Variants in TCF4 observed in about 807,000 individuals in gnomAD.
The protein encoded by TCF4 is SL3-3 enhancer factor 2.
Under a neutral mutation model 82.1 loss-of-function variants are expected in TCF4, and 3 were observed. The observed-to-expected ratio is 0.04, with a 90% CI of 0.02 to 0.09. The LOEUF (loss-of-function observed/expected upper bound fraction) is 0.09. Ranked by LOEUF, TCF4 falls within the 10% of genes least tolerant of loss-of-function variation. The pLI, the probability that TCF4 is intolerant of heterozygous loss-of-function variation, is 1.00. For missense variants in TCF4, 518 were observed against 852.7 expected (o/e 0.61, Z 4.89); for synonymous variants, 276 against 309.6 (o/e 0.89, Z 1.14).
chr18:55,346,004 T>A (rs980098940), intron 8 of TCF4, among the ~76,000 whole-genome samples: 1 of 152,154 alleles, frequency 6.6e-6, no homozygotes, highest in Non-Finnish European at 1.5e-5. Context: ...AAATTGTTTG[T>A]GATTTCTTCA....
intron 5 of TCF4, among the ~76,000 whole-genome samples, chr18:55,453,857 G>A (rs2095677113): frequency 6.7e-6 from 1 of 150,236 alleles, no homozygotes; most frequent in East Asian, 1.9e-4. Context: ...ATAGTAATAA[G>A]TATTATTATT....
intron 8 of TCF4, among the ~76,000 whole-genome samples, chr18:55,338,265 G>C (rs1039925892): frequency 1.3e-5 from 2 of 152,180 alleles, no homozygotes; most frequent in African/African-American, 2.4e-5. Context: ...AAGAGAGTCA[G>C]ATGTCCTCAA....
intron 6 of TCF4, among the ~76,000 whole-genome samples, chr18:55,354,680 G>A (rs1001850585): frequency 1.3e-4 from 20 of 152,016 alleles, no homozygotes; most frequent in African/African-American, 4.3e-4. Context: ...TGGGTGGGTG[G>A]TACATTTCTA....
At chr18:55,626,133 G>T (rs1178787856) in intron 2 of TCF4, among the ~76,000 whole-genome samples, 1 of 152,180 alleles carries the variant, frequency 6.6e-6, no homozygotes, top group Non-Finnish European at 1.5e-5. Flanking sequence ...TAGGGAGAAG[G>T]CAGCATATTT....
chr18:55,584,991 T>C (rs1170140715), intron 3 of TCF4, among the ~76,000 whole-genome samples: 1 of 152,222 alleles, frequency 6.6e-6, no homozygotes, highest in Non-Finnish European at 1.5e-5. Context: ...ATGTTAACAC[T>C]GGTCTTATCT....
intron 3 of TCF4, among the ~76,000 whole-genome samples, chr18:55,473,462 T>C (rs1308011581): frequency 6.6e-6 from 1 of 152,186 alleles, no homozygotes; most frequent in Admixed American, 6.6e-5. Context: ...TAGTTTTACA[T>C]ATTCAAAACT....
intron 3 of TCF4, among the ~76,000 whole-genome samples, chr18:55,564,550 A>T (rs2097384682): frequency 6.6e-6 from 1 of 152,238 alleles, no homozygotes; most frequent in Non-Finnish European, 1.5e-5. Flanking sequence ...AACACAAATG[A>T]TAAGGTCAAA....
chr18:55,422,568 G>A (rs2094813455), intron 5 of TCF4: 2 of 630,450 alleles, frequency 3.2e-6, no homozygotes, highest in Non-Finnish European at 2.0e-6. Flanking sequence ...TAGGGGGGTG[G>A]TTTAAAGAGT....
At chr18:55,562,243 G>C (rs1245878145) in intron 3 of TCF4, among the ~76,000 whole-genome samples, 2 of 152,086 alleles carry the variant, frequency 1.3e-5, no homozygotes, top group Non-Finnish European at 2.9e-5. Flanking sequence ...CCCTGCTCTA[G>C]TCCACATCAT....
chr18:55,430,607 T>C (rs1208066933), intron 5 of TCF4, among the ~76,000 whole-genome samples: 1 of 150,352 alleles, frequency 6.7e-6, no homozygotes, highest in Non-Finnish European at 1.5e-5. Flanking sequence ...GCTCTTCCCA[T>C]GCCTGCACTT....
chr18:55,627,266 T>A (rs2147997804), intron 2 of TCF4, among the ~76,000 whole-genome samples: 1 of 152,266 alleles, frequency 6.6e-6, no homozygotes, highest in South Asian at 2.1e-4. Flanking sequence ...ATATTGAGCA[T>A]TGACTGAGTG....
intron 6 of TCF4, among the ~76,000 whole-genome samples, chr18:55,392,414 T>G (rs988599926): frequency 6.7e-6 from 1 of 149,844 alleles, no homozygotes; most frequent in Non-Finnish European, 1.5e-5. Flanking sequence ...AGCCCAGGGG[T>G]TTGAGTCCCA....
chr18:55,429,555 G>A (rs1340810529), intron 5 of TCF4, among the ~76,000 whole-genome samples: 1 of 152,072 alleles, frequency 6.6e-6, no homozygotes, highest in African/African-American at 2.4e-5. Flanking sequence ...AAGGTCAGGA[G>A]ATCAAGACCA....
intron 3 of TCF4, among the ~76,000 whole-genome samples, chr18:55,528,010 A>G (rs1339964504): frequency 6.6e-6 from 1 of 152,010 alleles, no homozygotes; most frequent in Non-Finnish European, 1.5e-5. Context: ...TAACCTTGAA[A>G]CTCTTTTGTT....
chr18:55,286,123 T>C (rs1024798648), intron 8 of TCF4, among the ~76,000 whole-genome samples: 4 of 152,206 alleles, frequency 2.6e-5, no homozygotes, highest in African/African-American at 9.6e-5. Flanking sequence ...TCTAGTGTTT[T>C]TGACAAACGA....
At chr18:55,268,210 T>C (rs531020423) in intron 11 of TCF4, 7 of 152,192 alleles carry the variant, frequency 4.6e-5, no homozygotes, top group Admixed American at 1.3e-4. Flanking sequence ...CCTTCATACC[T>C]TCCTAAAAAA....
At chr18:55,628,659 T>C (rs1168424820) in intron 2 of TCF4, among the ~76,000 whole-genome samples, 2 of 152,212 alleles carry the variant, frequency 1.3e-5, no homozygotes, top group African/African-American at 4.8e-5. Flanking sequence ...AGTATGATCA[T>C]GCCCTAGGTT....
intron 12 of TCF4, among the ~76,000 whole-genome samples, chr18:55,260,805 C>T (rs1460617093): frequency 6.6e-6 from 1 of 152,136 alleles, no homozygotes; most frequent in African/African-American, 2.4e-5. Context: ...AGTGATCCTC[C>T]CACCTCGGCC....
chr18:55,606,201 G>A (rs751756030), intron 2 of TCF4, among the ~76,000 whole-genome samples: 1 of 152,092 alleles, frequency 6.6e-6, no homozygotes, highest in African/African-American at 2.4e-5. Context: ...TTGCTTGAGC[G>A]ACACATTTCT....
Sources: gnomAD v4.1 joint callset for allele counts (sites outside exome capture counted in the v4.1 genomes callset) on GRCh38, gnomAD v4.1.1 for gene constraint, MANE v1.5 for transcripts, NCBI Gene and HGNC (gene_info 2026-07-23, HGNC 2026-07-21) for gene names.